Variants in ANKS1B observed in about 807,000 individuals in gnomAD.
The protein encoded by ANKS1B is ankyrin repeat and sterile alpha motif domain-containing protein 1B.
In ANKS1B, 36 loss-of-function variants were observed where a neutral mutation model predicts 148.3. That is an observed-to-expected ratio of 0.24 (90% CI 0.19 to 0.32). The LOEUF (loss-of-function observed/expected upper bound fraction) is 0.32, where lower values mean the gene tolerates loss of function less well. ANKS1B is among the 10% of genes least tolerant of loss of function. The pLI is 1.00. For synonymous variants in ANKS1B, 542 were observed against 560.8 expected (o/e 0.97, Z 0.47); for missense variants, 1,157 against 1,542.6 (o/e 0.75, Z 4.19).
At chr12:99,436,035 C>A (rs1391198380) in intron 11 of ANKS1B, among the ~76,000 whole-genome samples, 11 of 151,764 alleles carry the variant, frequency 7.2e-5, no homozygotes, top group African/African-American at 2.7e-4. Flanking sequence ...GTCTATCTTT[C>A]TGTTTTTAGC....
intron 12 of ANKS1B, among the ~76,000 whole-genome samples, chr12:99,298,632 G>A (rs1224466697): frequency 1.3e-5 from 2 of 152,104 alleles, no homozygotes; most frequent in Non-Finnish European, 2.9e-5. Flanking sequence ...ATCCTATGAG[G>A]TAGGGACTTT....
chr12:99,350,679 T>C (rs1466675887), intron 12 of ANKS1B, among the ~76,000 whole-genome samples: 2 of 152,112 alleles, frequency 1.3e-5, no homozygotes, highest in Non-Finnish European at 2.9e-5. Flanking sequence ...TAAAATGATT[T>C]AAAGCTTTAA....
At chr12:99,092,112 T>G (rs938898748) in intron 15 of ANKS1B, among the ~76,000 whole-genome samples, 1 of 144,758 alleles carries the variant, frequency 6.9e-6, no homozygotes, top group African/African-American at 2.5e-5. Context: ...CACTGAATCC[T>G]GGAATCAGGC....
intron 1 of ANKS1B, among the ~76,000 whole-genome samples, chr12:99,858,206 C>T (rs1471346692): frequency 6.6e-6 from 1 of 151,894 alleles, no homozygotes; most frequent in African/African-American, 2.4e-5. Flanking sequence ...ACAAATAATC[C>T]CATCAAAAAG....
chr12:99,602,418 T>G (rs2097809032), intron 9 of ANKS1B, among the ~76,000 whole-genome samples: 1 of 152,074 alleles, frequency 6.6e-6, no homozygotes, highest in Non-Finnish European at 1.5e-5. Flanking sequence ...CAATAGTCAT[T>G]TCTATAAAAA....
At chr12:99,188,061 C>A (rs1241982856) in intron 14 of ANKS1B, among the ~76,000 whole-genome samples, 1 of 151,488 alleles carries the variant, frequency 6.6e-6, no homozygotes, top group Admixed American at 6.6e-5. Flanking sequence ...TCTGATAAAA[C>A]AGACTTTAAA....
chr12:99,646,113 C>A (rs913583132), intron 9 of ANKS1B, among the ~76,000 whole-genome samples: 4 of 150,626 alleles, frequency 2.7e-5, no homozygotes, highest in Admixed American at 6.6e-5. Context: ...ACATCAGAAC[C>A]ACTTGGACAC....
chr12:99,099,070 C>T (rs2057219393), intron 15 of ANKS1B, among the ~76,000 whole-genome samples: 1 of 152,064 alleles, frequency 6.6e-6, no homozygotes, highest in African/African-American at 2.4e-5. Flanking sequence ...TTAGTCCTGC[C>T]CAACCTCCCT....
chr12:98,743,473 G>GTA (rs1210768645), downstream of ANKS1B, among the ~76,000 whole-genome samples: 2 of 152,124 alleles, frequency 1.3e-5, no homozygotes, highest in African/African-American at 4.8e-5. Context: ...AGTTATCAAT[G>GTA]TATCAATTTT....
intron 9 of ANKS1B, among the ~76,000 whole-genome samples, chr12:99,594,312 A>C (rs2097734799): frequency 6.6e-6 from 1 of 152,116 alleles, no homozygotes; most frequent in South Asian, 2.1e-4. Flanking sequence ...TTCCTCAAAA[A>C]ACTAAAAATA....
intron 8 of ANKS1B, among the ~76,000 whole-genome samples, chr12:99,670,661 C>T (rs1247764338): frequency 1.3e-5 from 2 of 152,026 alleles, no homozygotes; most frequent in African/African-American, 4.8e-5. Context: ...AAATTATAAG[C>T]ATTACAGAGA....
At chr12:98,783,892 G>A (rs1272663043) in intron 22 of ANKS1B, among the ~76,000 whole-genome samples, 1 of 152,170 alleles carries the variant, frequency 6.6e-6, no homozygotes, top group East Asian at 1.9e-4. Context: ...CTAGAGGCTG[G>A]ATGCAGGGAG....
chr12:99,326,080 T>C (rs2152225575), intron 12 of ANKS1B, among the ~76,000 whole-genome samples: 1 of 152,122 alleles, frequency 6.6e-6, no homozygotes, highest in East Asian at 1.9e-4. Context: ...TCATTCACTA[T>C]CACGAGAACA....
chr12:99,234,599 T>C (rs1055341037), intron 14 of ANKS1B, among the ~76,000 whole-genome samples: 5 of 152,186 alleles, frequency 3.3e-5, no homozygotes, highest in Non-Finnish European at 7.4e-5. Context: ...TAAAATTTAA[T>C]ATGTATCTGC....
At position 98,751,579 on chromosome 12, in the gene ANKS1B, G is replaced by T; in HGVS notation, c.3580-57C>A. On this transcript the variant is annotated intron_variant, in intron 25 of 26. Transcript: ENST00000683438. The surrounding 1 kb of genome is among the most constrained non-coding windows in gnomAD (Gnocchi z 4.3). The stretch of plus-strand genomic sequence containing the variant: ...GGCACACTGCAAATTAGAATGGGTC[G>T]AATGGCTGAGGAACACTGAGGGAGG... The T allele has an allele frequency of 6.5e-7, 1 of 1,545,198 alleles. No homozygotes were observed. The highest frequency in any genetic ancestry group is 8.9e-7 in the Non-Finnish European group (1 of 1,124,902).
At chr12:99,336,052 A>C (rs537338840) in intron 12 of ANKS1B, among the ~76,000 whole-genome samples, 128 of 152,204 alleles carry the variant, frequency 8.4e-4, no homozygotes, top group African/African-American at 3.0e-3. Context: ...TTTGGATAAA[A>C]GCCATTTTAA....
At chr12:99,380,215 A>G (rs2093580743) in intron 12 of ANKS1B, among the ~76,000 whole-genome samples, 1 of 152,178 alleles carries the variant, frequency 6.6e-6, no homozygotes, top group Admixed American at 6.5e-5. Context: ...ATTTTAATTT[A>G]TTGGTTGCCT....
intron 17 of ANKS1B, among the ~76,000 whole-genome samples, chr12:98,979,424 T>C (rs991221196): frequency 7.3e-5 from 11 of 151,594 alleles, no homozygotes; most frequent in African/African-American, 2.4e-4. Flanking sequence ...CATGCCACCA[T>C]GCCCAGCTAA....
intron 12 of ANKS1B, among the ~76,000 whole-genome samples, chr12:99,369,524 T>C (rs1364963740): frequency 6.6e-6 from 1 of 152,132 alleles, no homozygotes; most frequent in East Asian, 1.9e-4. Context: ...GAAAATTGGA[T>C]AAATTAGATA....
Sources: gnomAD v4.1 joint callset for allele counts (sites outside exome capture counted in the v4.1 genomes callset) on GRCh38, gnomAD v4.1.1 for gene constraint, Gnocchi (gnomAD v3.1) non-coding constraint, MANE v1.5 for transcripts, NCBI Gene and HGNC (gene_info 2026-07-23, HGNC 2026-07-21) for gene names.